The following KHDRBS3 variants were observed in gnomAD, a reference collection of about 807,000 sequenced individuals.
The protein encoded by KHDRBS3 is KH RNA binding domain containing, signal transduction associated 3.
A neutral mutation model predicts 45.6 loss-of-function variants in KHDRBS3; 23 were observed. That is an observed-to-expected ratio of 0.50 (90% confidence interval 0.36 to 0.72). KHDRBS3 has a LOEUF of 0.72. Among genes scored for constraint, KHDRBS3 ranks in the 30% least tolerant of loss-of-function variants. The pLI is 0.00. For missense variants in KHDRBS3, 352 were observed against 424.8 expected (o/e 0.83, Z 1.51); for synonymous variants, 162 against 156.5 (o/e 1.04, Z -0.26).
intron 5 of KHDRBS3, among the ~76,000 whole-genome samples, chr8:135,572,240 G>A (rs1444438857): frequency 6.6e-6 from 1 of 152,166 alleles, no homozygotes; most frequent in Non-Finnish European, 1.5e-5. Context: ...GGGTGATACA[G>A]GCTTCAAAAT....
At chr8:135,626,803 CAAAAAAAAA>C (rs57231709) in intron 7 of KHDRBS3, among the ~76,000 whole-genome samples, 1 of 91,124 alleles carries the variant, frequency 1.1e-5, no homozygotes, top group Non-Finnish European at 2.0e-5. Context: ...GACTCCGTCT[CAAAAAAAAA>C]AAAAAAAAAA....
intron 6 of KHDRBS3, among the ~76,000 whole-genome samples, chr8:135,606,181 G>T (rs1829453809): frequency 6.6e-6 from 1 of 151,868 alleles, no homozygotes; most frequent in South Asian, 2.1e-4. Flanking sequence ...TAACCTCAAG[G>T]TCAACCAGAA....
chr8:135,625,189 T>C, intron 7 of KHDRBS3: 1 of 1,391,392 alleles, frequency 7.2e-7, no homozygotes, highest in Non-Finnish European at 1.0e-6. Flanking sequence ...AGGCTGTTAA[T>C]ACTCTTCTTG....
At chr8:135,603,438 C>T (rs1457342934) in intron 6 of KHDRBS3, among the ~76,000 whole-genome samples, 1 of 152,190 alleles carries the variant, frequency 6.6e-6, no homozygotes, top group Non-Finnish European at 1.5e-5. Flanking sequence ...TGTCTGATAG[C>T]TTTCTCTCCC....
chr8:135,612,631 C>T (rs980949208), intron 7 of KHDRBS3, among the ~76,000 whole-genome samples: 1 of 151,870 alleles, frequency 6.6e-6, no homozygotes, highest in East Asian at 1.9e-4. Context: ...TTTGAAAGTA[C>T]GTGCAATGCT....
chr8:135,500,284 G>T (rs551116545), intron 1 of KHDRBS3, among the ~76,000 whole-genome samples: 10 of 152,172 alleles, frequency 6.6e-5, no homozygotes, highest in African/African-American at 2.2e-4. Context: ...AACTAAAGTG[G>T]TTAGAAGTAA....
intron 7 of KHDRBS3, among the ~76,000 whole-genome samples, chr8:135,627,538 C>T (rs1830425639): frequency 6.6e-6 from 1 of 152,132 alleles, no homozygotes; most frequent in Non-Finnish European, 1.5e-5. Flanking sequence ...AAACAGGCAG[C>T]AACAAATGCC....
chr8:135,460,072 C>G (rs1419487631), intron 1 of KHDRBS3, among the ~76,000 whole-genome samples: 3 of 152,314 alleles, frequency 2.0e-5, no homozygotes, highest in East Asian at 1.9e-4. Flanking sequence ...TAATTACACG[C>G]TTATGTAACT....
At chr8:135,479,916 A>G (rs532098994) in intron 1 of KHDRBS3, among the ~76,000 whole-genome samples, 1 of 152,190 alleles carries the variant, frequency 6.6e-6, no homozygotes, top group Non-Finnish European at 1.5e-5. Context: ...TCAACAAAAT[A>G]TGAGCAAACC....
At chr8:135,546,155 T>TA (rs547556925) in intron 3 of KHDRBS3, among the ~76,000 whole-genome samples, 170 of 141,762 alleles carry the variant, frequency 1.2e-3, no homozygotes, top group African/African-American at 3.3e-3. Context: ...ATAAATAAAT[T>TA]AAAAAAAAAA....
intron 5 of KHDRBS3, among the ~76,000 whole-genome samples, chr8:135,562,808 A>G (rs1048365588): frequency 3.3e-5 from 5 of 152,238 alleles, no homozygotes. Flanking sequence ...CTAAATGTCC[A>G]AAACCAGTCA....
intron 7 of KHDRBS3, among the ~76,000 whole-genome samples, chr8:135,630,054 A>G (rs1393727268): frequency 6.6e-6 from 1 of 152,238 alleles, no homozygotes; most frequent in Non-Finnish European, 1.5e-5. Flanking sequence ...ATTTACAGCG[A>G]CATGATCTGG....
chr8:135,612,869 C>T lies in KHDRBS3; in HGVS notation c.890+5832C>T, dbSNP rs56051638. ...GGAAGTGTAAAACTCACACCACATT[C>T]CAGAGACTTTGTATGAAAAAAAGAA... is the stretch of plus-strand genomic sequence containing the variant. On this transcript the variant is annotated intron_variant, in intron 7 of 8. Coordinates refer to ENST00000355849, the MANE Select transcript of KHDRBS3 (RefSeq NM_006558.3). Among the ~76,000 whole-genome samples, 577 of 151,802 alleles carry T rather than the reference C, an allele frequency of 3.8e-3. 8 individuals carry two copies. The highest frequency in any genetic ancestry group is 6.8e-3 in the Non-Finnish European group (459 of 67,996).
intron 1 of KHDRBS3, among the ~76,000 whole-genome samples, chr8:135,488,628 G>C (rs1035860070): frequency 6.6e-6 from 1 of 152,166 alleles, no homozygotes; most frequent in African/African-American, 2.4e-5. Flanking sequence ...AACAGGGTGG[G>C]TTGAGAAATA....
At chr8:135,461,285 AG>A (rs1227774549) in intron 1 of KHDRBS3, among the ~76,000 whole-genome samples, 1 of 151,878 alleles carries the variant, frequency 6.6e-6, no homozygotes, top group Non-Finnish European at 1.5e-5. Flanking sequence ...TTGTATTTTT[AG>A]TAGAGACGGG....
chr8:135,626,712 G>A (rs1830379767), intron 7 of KHDRBS3, among the ~76,000 whole-genome samples: 1 of 149,932 alleles, frequency 6.7e-6, no homozygotes, highest in African/African-American at 2.5e-5. Context: ...GCTGAGGCAG[G>A]AGAATGGCGT....
chr8:135,580,415 A>G (rs1321446406), intron 5 of KHDRBS3, among the ~76,000 whole-genome samples: 1 of 152,184 alleles, frequency 6.6e-6, no homozygotes, highest in African/African-American at 2.4e-5. Context: ...TATTGATTAA[A>G]TTTATTTAAT....
rs397962210 is a variant in KHDRBS3 at position 135,470,575 on chromosome 8, CT to C, written c.88+12635del. On this transcript the variant is annotated intron_variant, in intron 1 of 8. Transcript: ENST00000355849. ...TTCCCCCTTGGTCAGGGTTTTGCTG[CT>C]TTTTTTTTTTTTTCTTCTTCTTTCC... 1.7e-3 allele frequency among the ~76,000 whole-genome samples: 238 copies of C among 141,642 alleles called. 1 individual carries two copies. The highest frequency in any genetic ancestry group is 3.7e-3 in the Middle Eastern group (1 of 272). The allele number at this position is 141,642 out of a possible 152,430, so 92.9% of individuals were successfully genotyped here.
intron 1 of KHDRBS3, among the ~76,000 whole-genome samples, chr8:135,470,333 T>A (rs1821951199): frequency 6.6e-6 from 1 of 152,124 alleles, no homozygotes; most frequent in African/African-American, 2.4e-5. Flanking sequence ...ACGTGAGAAG[T>A]ACTAAAGTGT....
Sources: allele counts gnomAD v4.1 joint callset (sites outside exome capture counted in the v4.1 genomes callset), GRCh38; gene constraint gnomAD v4.1.1; transcripts MANE v1.5; gene names NCBI Gene and HGNC (gene_info 2026-07-23, HGNC 2026-07-21).